The following NIBAN1 variants were observed in gnomAD, a reference collection of about 807,000 sequenced individuals.
NIBAN1 encodes the protein protein Niban 1.
In NIBAN1, 81 loss-of-function variants were observed where a neutral mutation model predicts 75.1. That is an observed-to-expected ratio of 1.08 (90% confidence interval 0.90 to 1.30). The LOEUF (loss-of-function observed/expected upper bound fraction) is 1.30, where lower values mean the gene tolerates loss of function less well. Ranked by LOEUF, NIBAN1 falls within the 50% of genes most tolerant of loss-of-function variation. The pLI, the probability that NIBAN1 is intolerant of heterozygous loss-of-function variation, is 0.00. For missense variants in NIBAN1, 1,133 were observed against 1,128.1 expected (o/e 1.00, Z -0.06); for synonymous variants, 436 against 424.8 (o/e 1.03, Z -0.32).
intron 5 of NIBAN1, among the ~76,000 whole-genome samples, chr1:184,838,048 G>A (rs1286841892): frequency 1.3e-5 from 2 of 152,070 alleles, no homozygotes; most frequent in Non-Finnish European, 2.9e-5. Context: ...CCAAGTCAAA[G>A]GATACTTTCT....
chr1:184,806,381 G>A (rs1654199267), intron 10 of NIBAN1, among the ~76,000 whole-genome samples: 1 of 152,168 alleles, frequency 6.6e-6, no homozygotes, highest in South Asian at 2.1e-4. Flanking sequence ...TCTTCAACTA[G>A]TTTTTGGTGG....
chr1:184,809,717 T>C (rs968648392), intron 9 of NIBAN1, among the ~76,000 whole-genome samples: 4 of 151,216 alleles, frequency 2.6e-5, no homozygotes, highest in African/African-American at 9.7e-5. Flanking sequence ...AAATATTAAT[T>C]TATTATGCTT....
chr1:184,872,010 T>C (rs966130669), intron 5 of NIBAN1, among the ~76,000 whole-genome samples: 20 of 151,988 alleles, frequency 1.3e-4, no homozygotes, highest in African/African-American at 4.8e-4. Context: ...CTGGCTTCAG[T>C]GAAATATGAA....
At chr1:184,804,283 G>A (rs116362631) in intron 11 of NIBAN1, among the ~76,000 whole-genome samples, 1,645 of 152,304 alleles carry the variant, frequency 0.011, 27 homozygotes, top group East Asian at 0.054. Flanking sequence ...CATAGGCAGC[G>A]AGAAGAATGG....
In NIBAN1 at chr1:184,974,287, G is replaced by C. The variant is rs1303272062; in HGVS notation, c.55+15C>G. 1.3e-6 allele frequency: 2 copies of C among 1,551,434 alleles called. No individual in the cohort carries two copies. Among genetic ancestry groups the C allele is most frequent in the African/African-American group, 2.7e-5 (2 of 73,214 alleles). On this transcript the variant is annotated intron_variant, in intron 1 of 13. Coordinates refer to ENST00000367511, the MANE Select transcript of NIBAN1 (RefSeq NM_052966.4). ...GGTCAGGGTGCTCCCCAGGCCCCCG[G>C]GCGGGCGGGCGTACCTCGGATGTAA...
chr1:184,928,354 G>T (rs1356708637), intron 1 of NIBAN1, among the ~76,000 whole-genome samples: 1 of 152,112 alleles, frequency 6.6e-6, no homozygotes, highest in African/African-American at 2.4e-5. Flanking sequence ...ACCCCAGCTG[G>T]TGTGTTACTG....
chr1:184,913,230 CAA>C (rs931120732), intron 1 of NIBAN1, among the ~76,000 whole-genome samples: 6 of 148,572 alleles, frequency 4.0e-5, no homozygotes, highest in Admixed American at 4.0e-4. Context: ...AATGCTAAGT[CAA>C]AGAGGAAATG....
intron 5 of NIBAN1, among the ~76,000 whole-genome samples, chr1:184,842,298 G>T (rs1655308136): frequency 6.6e-6 from 1 of 152,200 alleles, no homozygotes; most frequent in Admixed American, 6.5e-5. Context: ...CAGATAGCTG[G>T]CCCCCACTCC....
At chr1:184,844,161 C>A (rs1655371715) in intron 5 of NIBAN1, among the ~76,000 whole-genome samples, 1 of 152,212 alleles carries the variant, frequency 6.6e-6, no homozygotes, top group Non-Finnish European at 1.5e-5. Context: ...TAGGGACATT[C>A]TTCCTGACTG....
At chr1:184,908,720 A>G (rs1255769203) in intron 1 of NIBAN1, among the ~76,000 whole-genome samples, 3 of 152,196 alleles carry the variant, frequency 2.0e-5, no homozygotes, top group African/African-American at 4.8e-5. Flanking sequence ...GGAAATTTTC[A>G]AGATTATTTT....
chr1:184,952,368 T>C (rs1482705021), intron 1 of NIBAN1, among the ~76,000 whole-genome samples: 1 of 151,508 alleles, frequency 6.6e-6, no homozygotes, highest in Non-Finnish European at 1.5e-5. Context: ...ACCACTACAC[T>C]CCAGCCTGGG....
chr1:184,973,543 A>G (rs1658990687), intron 1 of NIBAN1, among the ~76,000 whole-genome samples: 1 of 152,180 alleles, frequency 6.6e-6, no homozygotes, highest in Non-Finnish European at 1.5e-5. Flanking sequence ...AAATACGCCC[A>G]GGAAATAAAG....
At position 184,900,143 on chromosome 1, in the gene NIBAN1, A is replaced by C. The variant is rs151257250; in HGVS notation, c.56-834T>G. ...CACTCCCTTTTTCTTCAGATCCCTGAGGCTCCACCTCTAGTCTTGTGACTC... is the reference window on the plus strand; with the variant it reads ...CACTCCCTTTTTCTTCAGATCCCTGCGGCTCCACCTCTAGTCTTGTGACTC... On this transcript the variant is annotated intron_variant, in intron 1 of 13. Transcript: ENST00000367511. 3.4e-3 allele frequency among the ~76,000 whole-genome samples: 514 copies of C among 152,248 alleles called. 8 individuals carry two copies. In the East Asian group the frequency reaches 0.038, roughly 11 times the overall value.
chr1:184,877,235 G>A (rs1027062992), intron 5 of NIBAN1, among the ~76,000 whole-genome samples: 1 of 152,094 alleles, frequency 6.6e-6, no homozygotes, highest in Admixed American at 6.5e-5. Flanking sequence ...ACAAAAAGAA[G>A]TCATGGGAGG....
intron 9 of NIBAN1, among the ~76,000 whole-genome samples, chr1:184,811,944 T>TACA (rs1373719188): frequency 6.6e-6 from 1 of 152,178 alleles, no homozygotes; most frequent in East Asian, 1.9e-4. Flanking sequence ...ATTAGGCATG[T>TACA]ACAGGATTGT....
Position 184,812,968 on chromosome 1 carries a change from T to C in NIBAN1, c.1174-4733A>G, listed in dbSNP as rs1005676591. On this transcript the variant is annotated intron_variant, in intron 9 of 13. Transcript: ENST00000367511. ...GTTCAAAAGCCAGAAACATCAGTCA[T>C]TTGGCCTGGCTAAAATTGGTTAATA... 2.6e-5 allele frequency among the ~76,000 whole-genome samples: 4 copies of C among 152,230 alleles called. No homozygotes were observed. In the East Asian group the frequency reaches 7.7e-4, roughly 29 times the overall value.
intron 1 of NIBAN1, among the ~76,000 whole-genome samples, chr1:184,935,107 C>T (rs1657921919): frequency 6.6e-6 from 1 of 151,752 alleles, no homozygotes; most frequent in Admixed American, 6.6e-5. Context: ...ATTTTTAGAC[C>T]ATCATTTAAT....
chr1:184,843,449 C>A (rs569140495), intron 5 of NIBAN1, among the ~76,000 whole-genome samples: 3 of 151,202 alleles, frequency 2.0e-5, no homozygotes, highest in Non-Finnish European at 4.4e-5. Context: ...CTTTCCCCCC[C>A]GCAAAAAAAA....
At chr1:184,826,202 G>T (rs1449504367) in intron 6 of NIBAN1, among the ~76,000 whole-genome samples, 1 of 152,194 alleles carries the variant, frequency 6.6e-6, no homozygotes, top group Non-Finnish European at 1.5e-5. Flanking sequence ...AAGTGGATCT[G>T]CCTGGCGTGA....
Sources: gnomAD v4.1 joint callset for allele counts (sites outside exome capture counted in the v4.1 genomes callset) on GRCh38, gnomAD v4.1.1 for gene constraint, MANE v1.5 for transcripts, NCBI Gene and HGNC (gene_info 2026-07-23, HGNC 2026-07-21) for gene names.